The following AUTS2 variants were observed in gnomAD, a reference collection of about 807,000 sequenced individuals.
The protein encoded by AUTS2 is activator of transcription and developmental regulator AUTS2.
A neutral mutation model predicts 112.4 loss-of-function variants in AUTS2; 17 were observed. The ratio of observed to expected loss-of-function variants is 0.15; its 90% confidence interval spans 0.10 to 0.23. The LOEUF (loss-of-function observed/expected upper bound fraction) is 0.23, where lower values mean the gene tolerates loss of function less well. AUTS2 is among the 10% of genes least tolerant of loss of function. The probability of loss-of-function intolerance (pLI) is 1.00; values close to 1 mark genes in which losing one functional copy is unlikely to be tolerated. For synonymous variants in AUTS2, 751 were observed against 702.7 expected, an observed-to-expected ratio of 1.07 and a Z score of -1.09; for missense variants, 1,510 against 1,701.6, an observed-to-expected ratio of 0.89 and a Z score of 1.98.
chr7:70,614,694 A>G (rs987736560), intron 5 of AUTS2, among the ~76,000 whole-genome samples: 6 of 152,112 alleles, frequency 3.9e-5, no homozygotes, highest in African/African-American at 1.2e-4. Flanking sequence ...ATCAGGGCCT[A>G]TTAGTACTGA....
chr7:70,440,526 T>A (rs1796083775), intron 5 of AUTS2, among the ~76,000 whole-genome samples: 1 of 152,134 alleles, frequency 6.6e-6, no homozygotes, highest in Admixed American at 6.5e-5. Flanking sequence ...AGAGGACGCT[T>A]GAAAAAAGAG....
intron 1 of AUTS2, among the ~76,000 whole-genome samples, chr7:69,891,704 G>A (rs1289650293): frequency 7.5e-6 from 1 of 133,588 alleles, no homozygotes; most frequent in Non-Finnish European, 1.6e-5. Context: ...GTGGTTTTAA[G>A]TTGTATTTCC....
At chr7:70,359,913 A>G (rs972741425) in intron 4 of AUTS2, among the ~76,000 whole-genome samples, 1 of 152,246 alleles carries the variant, frequency 6.6e-6, no homozygotes, top group African/African-American at 2.4e-5. Context: ...TGGCAGTGAT[A>G]GTCCTTAAAG....
chr7:70,268,396 TA>T (rs1286064093), intron 4 of AUTS2, among the ~76,000 whole-genome samples: 3 of 152,228 alleles, frequency 2.0e-5, no homozygotes, highest in Non-Finnish European at 4.4e-5. Flanking sequence ...CTTTCTTATG[TA>T]AGTCCAATAA....
At chr7:70,108,783 CAAAAAAAAA>C (rs528009205) in intron 2 of AUTS2, among the ~76,000 whole-genome samples, 46 of 69,176 alleles carry the variant, frequency 6.6e-4, no homozygotes, top group African/African-American at 1.8e-3. Context: ...GCCAACATGG[CAAAAAAAAA>C]AAAAAAAAAA....
rs893300957 is a variant in AUTS2 at position 69,801,623 on chromosome 7, C to T, written c.310-97663C>T. Among the ~76,000 whole-genome samples, 39 of 152,088 alleles carry T rather than the reference C, an allele frequency of 2.6e-4. 1 individual carries two copies. The highest frequency in any genetic ancestry group is 8.9e-4 in the African/African-American group (37 of 41,496). Reference sequence around the variant, plus strand: ...AAGTGTTTACTACATTATGTACTATCTTAAAACAAAACTTCCCACAGGTGT... The same window carrying T: ...AAGTGTTTACTACATTATGTACTATTTTAAAACAAAACTTCCCACAGGTGT... On this transcript the variant is annotated intron_variant, in intron 1 of 18. Coordinates refer to ENST00000342771, the MANE Select transcript of AUTS2 (RefSeq NM_015570.4).
intron 5 of AUTS2, among the ~76,000 whole-genome samples, chr7:70,443,178 T>A (rs1475417336): frequency 2.6e-5 from 4 of 152,198 alleles, no homozygotes; most frequent in Non-Finnish European, 5.9e-5. Flanking sequence ...GAATAAATAC[T>A]TGTTATTGGA....
intron 5 of AUTS2, among the ~76,000 whole-genome samples, chr7:70,678,716 G>A (rs184989004): frequency 2.6e-4 from 39 of 152,212 alleles, no homozygotes; most frequent in Middle Eastern, 6.8e-3. Context: ...AGTGCCTTAG[G>A]CTCACCACCA....
intron 5 of AUTS2, among the ~76,000 whole-genome samples, chr7:70,455,149 C>T (rs1262043562): frequency 2.0e-5 from 3 of 152,192 alleles, no homozygotes; most frequent in African/African-American, 7.2e-5. Context: ...GAAGTTGGTA[C>T]TGTTCTCACT....
chr7:69,879,731 G>A (rs987119722), intron 1 of AUTS2, among the ~76,000 whole-genome samples: 2 of 152,196 alleles, frequency 1.3e-5, no homozygotes, highest in African/African-American at 4.8e-5. Context: ...AGGCTCTGGT[G>A]TAAAAAGCTG....
intron 1 of AUTS2, among the ~76,000 whole-genome samples, chr7:69,656,044 T>C (rs1013453519): frequency 1.3e-5 from 2 of 152,244 alleles, no homozygotes; most frequent in African/African-American, 4.8e-5. Context: ...GATGAGGTGG[T>C]GGCAGGACAA....
At chr7:70,020,019 A>T (rs563554547) in intron 2 of AUTS2, among the ~76,000 whole-genome samples, 1 of 152,152 alleles carries the variant, frequency 6.6e-6, no homozygotes, top group Non-Finnish European at 1.5e-5. Flanking sequence ...TAGATAGGGG[A>T]GAAAGGTAAA....
chr7:70,636,813 A>T (rs1234133076), intron 5 of AUTS2, among the ~76,000 whole-genome samples: 2 of 149,124 alleles, frequency 1.3e-5, no homozygotes, highest in Non-Finnish European at 3.0e-5. Context: ...TGCCCAAGTA[A>T]TTTTTTTTTT....
At chr7:70,003,261 A>G (rs190975211) in intron 2 of AUTS2, among the ~76,000 whole-genome samples, 1 of 119,974 alleles carries the variant, frequency 8.3e-6, no homozygotes, top group Non-Finnish European at 1.6e-5. Flanking sequence ...ATGAATATAT[A>G]ATATATTATA....
At chr7:69,639,987 G>A (rs1794729577) in intron 1 of AUTS2, among the ~76,000 whole-genome samples, 1 of 152,132 alleles carries the variant, frequency 6.6e-6, no homozygotes, top group Non-Finnish European at 1.5e-5. Context: ...TATGATCTTG[G>A]TCAAACGCCT....
chr7:70,709,059 A>G (rs977243775), intron 6 of AUTS2, among the ~76,000 whole-genome samples: 6 of 151,702 alleles, frequency 4.0e-5, no homozygotes, highest in African/African-American at 1.5e-4. Flanking sequence ...CTGGGATTAC[A>G]GGTGCCCGCC....
intron 1 of AUTS2, among the ~76,000 whole-genome samples, chr7:69,839,154 T>C (rs1367733603): frequency 6.6e-6 from 1 of 152,104 alleles, no homozygotes; most frequent in Admixed American, 6.6e-5. Context: ...GCTGACAGTC[T>C]CTGGGCTGGA....
intron 4 of AUTS2, among the ~76,000 whole-genome samples, chr7:70,377,321 T>TATAA (rs1562922067): frequency 4.5e-5 from 3 of 66,278 alleles, no homozygotes; most frequent in African/African-American, 6.3e-5. Context: ...AACAAACAAA[T>TATAA]ATAAATATAT....
intron 4 of AUTS2, among the ~76,000 whole-genome samples, chr7:70,170,462 TAAGTTTTA>T (rs1808617709): frequency 6.6e-6 from 1 of 152,076 alleles, no homozygotes; most frequent in Non-Finnish European, 1.5e-5. Flanking sequence ...AATATATTAA[TAAGTTTTA>T]AAGTTTTATA....
Sources: allele counts gnomAD v4.1 joint callset (sites outside exome capture counted in the v4.1 genomes callset), GRCh38; gene constraint gnomAD v4.1.1; transcripts MANE v1.5; gene names NCBI Gene and HGNC (gene_info 2026-07-23, HGNC 2026-07-21).